ELMO1: variants seen among roughly 807,000 people sequenced by gnomAD.
The protein encoded by ELMO1 is engulfment and cell motility protein 1.
A neutral mutation model predicts 98.9 loss-of-function variants in ELMO1; 26 were observed. That is an observed-to-expected ratio of 0.26 (90% CI 0.19 to 0.36). The LOEUF is 0.36. Ranked by LOEUF, ELMO1 falls within the 10% of genes least tolerant of loss-of-function variation. ELMO1 has a pLI of 1.00. For synonymous variants in ELMO1, 346 were observed against 346.0 expected, an observed-to-expected ratio of 1.00 and a Z score of 0.00; for missense variants, 627 against 935.2, an observed-to-expected ratio of 0.67 and a Z score of 4.30.
At position 37,261,613 on chromosome 7, in the gene ELMO1, C is replaced by CT. The variant is rs938257883; in HGVS notation, c.244-2264dup. On this transcript the variant is annotated intron_variant, in intron 5 of 21. Coordinates refer to ENST00000310758, the MANE Select transcript of ELMO1 (RefSeq NM_014800.11). ...GCTCTGATTGTGTTTTTCTTTCTTT[C>CT]TTTTTTTTTTAGGGAGTCTTGCTCT... Among the ~76,000 whole-genome samples, 77 of 147,350 alleles carry CT rather than the reference C, an allele frequency of 5.2e-4. 1 individual carries two copies. The highest frequency in any genetic ancestry group is 1.5e-3 in the African/African-American group (61 of 39,848).
At chr7:37,261,696 A>G (rs1476695116) in intron 5 of ELMO1, among the ~76,000 whole-genome samples, 1 of 152,008 alleles carries the variant, frequency 6.6e-6, no homozygotes, top group African/African-American at 2.4e-5. Flanking sequence ...TCCGCCTCCC[A>G]GATTCAAGCG....
intron 13 of ELMO1, among the ~76,000 whole-genome samples, chr7:37,191,609 A>G (rs1276105526): frequency 6.6e-6 from 1 of 152,188 alleles, no homozygotes; most frequent in African/African-American, 2.4e-5. Flanking sequence ...ATTTTGGTTC[A>G]ACCACTTAAT....
chr7:37,049,485 A>C (rs1795983104), intron 15 of ELMO1, among the ~76,000 whole-genome samples: 2 of 152,200 alleles, frequency 1.3e-5, no homozygotes, highest in South Asian at 4.1e-4. Flanking sequence ...AAAATGTGAA[A>C]GGTGCAGAGC....
chr7:37,181,714 G>T (rs1227985390), intron 13 of ELMO1, among the ~76,000 whole-genome samples: 1 of 152,138 alleles, frequency 6.6e-6, no homozygotes, highest in African/African-American at 2.4e-5. Context: ...TAAGTATTTT[G>T]CCCAGGGTCA....
chr7:36,873,254 C>G (rs902550012), intron 19 of ELMO1, among the ~76,000 whole-genome samples: 4 of 152,168 alleles, frequency 2.6e-5, no homozygotes, highest in African/African-American at 4.8e-5. Context: ...ATGATGGCCT[C>G]TCTATTCTCA....
chr7:36,998,409 CTTTAAT>C (rs1792377454), intron 16 of ELMO1, among the ~76,000 whole-genome samples: 1 of 151,836 alleles, frequency 6.6e-6, no homozygotes, highest in South Asian at 2.1e-4. Flanking sequence ...TTTAGTTATC[CTTTAAT>C]TTTTTTTCTA....
At chr7:37,004,517 T>C (rs1265191004) in intron 16 of ELMO1, among the ~76,000 whole-genome samples, 2 of 152,212 alleles carry the variant, frequency 1.3e-5, no homozygotes, top group African/African-American at 4.8e-5. Flanking sequence ...CTCCTCCTAA[T>C]TGGCAAATCT....
In ELMO1 at chr7:37,050,659, C is replaced by CACAAAA. The variant is rs767009287; in HGVS notation, c.1301-37225_1301-37224insTTTTGT. Among the ~76,000 whole-genome samples, 410 of 142,716 alleles carry CACAAAA rather than the reference C, an allele frequency of 2.9e-3. 3 individuals are homozygous for CACAAAA. Among genetic ancestry groups the CACAAAA allele is most frequent in the Non-Finnish European group, 4.9e-3 (317 of 65,100 alleles). 93.6% of individuals were successfully genotyped at this position (142,716 alleles called of 152,430 possible). On this transcript the variant is annotated intron_variant, in intron 15 of 21. Coordinates refer to ENST00000310758, the MANE Select transcript of ELMO1 (RefSeq NM_014800.11). ...ACACACACACACACACACACACACACAAAAGGTAACTATGTGAAATAAGCC... is the reference window on the plus strand; with the variant it reads ...ACACACACACACACACACACACACACACAAAAAAAAGGTAACTATGTGAAATAAGCC...
intron 14 of ELMO1, among the ~76,000 whole-genome samples, chr7:37,101,855 G>A (rs776617366): frequency 7.9e-5 from 12 of 152,122 alleles, no homozygotes; most frequent in East Asian, 5.8e-4. Flanking sequence ...TATCACAACC[G>A]CAGAAAACAA....
chr7:37,270,792 CAGTGA>C (rs1355998369), intron 5 of ELMO1: 1 of 151,906 alleles, frequency 6.6e-6, no homozygotes, highest in South Asian at 2.1e-4. Context: ...GTCAATGGAT[CAGTGA>C]AGTGGTCAAT....
At chr7:37,122,718 C>A (rs1786158754) in intron 14 of ELMO1, among the ~76,000 whole-genome samples, 1 of 152,130 alleles carries the variant, frequency 6.6e-6, no homozygotes, top group African/African-American at 2.4e-5. Context: ...CAACATTAGA[C>A]AGATCAATGA....
At chr7:36,945,620 A>C (rs960761603) in intron 16 of ELMO1, among the ~76,000 whole-genome samples, 17 of 152,182 alleles carry the variant, frequency 1.1e-4, no homozygotes, top group Non-Finnish European at 1.9e-4. Flanking sequence ...TGTTTCCCTT[A>C]GCTCCCTGGA....
intron 4 of ELMO1, among the ~76,000 whole-genome samples, chr7:37,301,050 T>C (rs1798314399): frequency 6.6e-6 from 1 of 151,936 alleles, no homozygotes; most frequent in African/African-American, 2.4e-5. Context: ...TCTAGTTTAT[T>C]TGCGTAGAGG....
At chr7:37,289,255 T>G (rs1229263973) in intron 4 of ELMO1, among the ~76,000 whole-genome samples, 4 of 152,162 alleles carry the variant, frequency 2.6e-5, no homozygotes, top group African/African-American at 9.7e-5. Flanking sequence ...TCTCTCACAA[T>G]CCAAATAAAT....
Position 37,110,489 on chromosome 7 carries a change from C to T in ELMO1, c.1192-13762G>A, listed in dbSNP as rs117003458. Among the ~76,000 whole-genome samples the T allele has an allele frequency of 9.4e-3, 1,438 of 152,282 alleles. 12 individuals are homozygous for T. Among genetic ancestry groups the T allele is most frequent in the Non-Finnish European group, 0.015 (997 of 68,012 alleles). On this transcript the variant is annotated intron_variant, in intron 14 of 21. Coordinates refer to ENST00000310758, the MANE Select transcript of ELMO1 (RefSeq NM_014800.11). ...GTTTCTAAAAACATAAACGTTAAGT[C>T]AAAAGGTCTCAGCATTTCTGCCACT...
At chr7:37,167,780 T>C (rs1584753009) in intron 13 of ELMO1, among the ~76,000 whole-genome samples, 1 of 149,508 alleles carries the variant, frequency 6.7e-6, no homozygotes. Context: ...CATTTTTTCC[T>C]TCATTTCAAC....
intron 10 of ELMO1, chr7:37,217,596 A>G (rs995155271): frequency 4.9e-6 from 2 of 407,312 alleles, no homozygotes; most frequent in African/African-American, 4.2e-5. Context: ...AAAGAAAACC[A>G]AGAACATGGG....
At chr7:37,349,795 A>T (rs1206248358) in intron 1 of ELMO1, among the ~76,000 whole-genome samples, 4 of 152,126 alleles carry the variant, frequency 2.6e-5, no homozygotes, top group Admixed American at 1.3e-4. Flanking sequence ...TGGTACACTG[A>T]ACCTCAGAAG....
chr7:37,071,509 T>C (rs189320648), intron 15 of ELMO1, among the ~76,000 whole-genome samples: 2 of 152,300 alleles, frequency 1.3e-5, no homozygotes, highest in East Asian at 1.9e-4. Flanking sequence ...AGAATCAATT[T>C]TGGGTGTTTT....
Sources: gnomAD v4.1 joint callset for allele counts (sites outside exome capture counted in the v4.1 genomes callset) on GRCh38, gnomAD v4.1.1 for gene constraint, MANE v1.5 for transcripts, NCBI Gene and HGNC (gene_info 2026-07-23, HGNC 2026-07-21) for gene names.